OSBPL3: variants seen among roughly 807,000 people sequenced by gnomAD.
The protein encoded by OSBPL3 is oxysterol binding protein like 3.
Under a neutral mutation model 120.1 loss-of-function variants are expected in OSBPL3, and 65 were observed. The ratio of observed to expected loss-of-function variants is 0.54; its 90% CI spans 0.44 to 0.67. OSBPL3 has a LOEUF of 0.67. Among genes scored for constraint, OSBPL3 ranks in the 30% least tolerant of loss-of-function variants. The pLI, the probability that OSBPL3 is intolerant of heterozygous loss-of-function variation, is 0.00. For missense variants in OSBPL3, 1,004 were observed against 1,082.1 expected, an observed-to-expected ratio of 0.93 and a Z score of 1.01; for synonymous variants, 416 against 402.6, an observed-to-expected ratio of 1.03 and a Z score of -0.40.
At position 24,830,711 on chromosome 7, in the gene OSBPL3, A is replaced by G. The variant is rs777379878; in HGVS notation, c.1884+57T>C. On this transcript the variant is annotated intron_variant, in intron 16 of 22. Coordinates refer to ENST00000313367, the MANE Select transcript of OSBPL3 (RefSeq NM_015550.4). This position sits in a 1 kb window ranked among gnomAD's most constrained non-coding sequence, Gnocchi z 4.4. The stretch of plus-strand genomic sequence containing the variant: ...TGGAAGATAAATATTTCAGAAGCAC[A>G]TTTAATGGGAGACATAAGCAACCCC... 5.9e-6 allele frequency: 9 copies of G among 1,514,898 alleles called. No individual in the cohort carries two copies. In the Admixed American group the frequency reaches 1.9e-4, roughly 32 times the overall value. 93.8% of individuals were successfully genotyped at this position (1,514,898 alleles called of 1,614,324 possible).
rs529060475 is a variant in OSBPL3 at position 24,820,199 on chromosome 7, A to C, written c.1924T>G (p.Ser642Ala). 3 of 1,612,488 alleles carry C rather than the reference A, an allele frequency of 1.9e-6. No individual in the cohort carries two copies. In the Admixed American group the frequency reaches 5.0e-5, roughly 27 times the overall value. Residue 642 changes from serine (S) to alanine (A), a missense_variant, in exon 17 of 23, where the codon TCT becomes GCT. Ser to Ala is a moderately conservative substitution (Grantham distance 99, BLOSUM62 1). This residue lies in a region of OSBPL3 where 473 missense variants were observed against 568.0 expected (regional missense o/e 0.83). Coordinates refer to ENST00000313367, the MANE Select transcript of OSBPL3 (RefSeq NM_015550.4). The surrounding 1 kb of genome is among the most constrained non-coding windows in gnomAD (Gnocchi z 4.6). ...HPPISACHAESRNFVFWQDVR... is the reference protein window; with the variant it reads ...HPPISACHAEARNFVFWQDVR... ...CCTTGCCAGAAAACAAAATTTCTAG[A>C]CTCAGCATGACACGCAGAGATAGGC...
Position 24,916,924 on chromosome 7 carries a change from C to CCCCA in OSBPL3, c.-149-24304_-149-24303insTGGG, listed in dbSNP as rs1554404744. On this transcript the variant is annotated intron_variant, in intron 1 of 22. Transcript: ENST00000313367. This position sits in a 1 kb window ranked among gnomAD's most constrained non-coding sequence, Gnocchi z 4.9. Reference sequence around the variant, plus strand: ...TAAGACGTCTTCCATTTCCACCCCCCCCAACCTTTTTAGAAAATTAAATAA... The same window carrying CCCCA: ...TAAGACGTCTTCCATTTCCACCCCCCCCCACCAACCTTTTTAGAAAATTAAATAA... Among the ~76,000 whole-genome samples, 1 of 151,612 alleles carries CCCCA rather than the reference C, an allele frequency of 6.6e-6. No homozygotes were observed. The highest frequency in any genetic ancestry group is 1.5e-5 in the Non-Finnish European group (1 of 67,910).
intron 1 of OSBPL3, among the ~76,000 whole-genome samples, chr7:24,979,344 C>T (rs1817942570): frequency 6.6e-6 from 1 of 151,896 alleles, no homozygotes; most frequent in African/African-American, 2.4e-5. Context: ...TAAATTCAGA[C>T]AAGAAAGGAA....
At position 24,881,916 on chromosome 7, in the gene OSBPL3, C is replaced by T. The variant is rs951449557; in HGVS notation, c.97-9847G>A. ...AATCTCTCTCTCCACCATCACATCA[C>T]CTTTTCCTCTATGTCTGTCTTCTCC... On this transcript the variant is annotated intron_variant, in intron 2 of 22. Transcript: ENST00000313367. This position sits in a 1 kb window ranked among gnomAD's most constrained non-coding sequence, Gnocchi z 4.3. 2.6e-5 allele frequency among the ~76,000 whole-genome samples: 4 copies of T among 152,120 alleles called. No individual in the cohort carries two copies. Among genetic ancestry groups the T allele is most frequent in the Non-Finnish European group, 5.9e-5 (4 of 68,016 alleles).
At chr7:24,905,046 G>A (rs1193169166) in intron 1 of OSBPL3, among the ~76,000 whole-genome samples, 1 of 151,682 alleles carries the variant, frequency 6.6e-6, no homozygotes, top group Non-Finnish European at 1.5e-5. Context: ...AATGCCTGGA[G>A]GACTGGTATC....
rs1437422445 is a variant in OSBPL3, at chr7:24,855,110, G to C, written c.1028-2476C>G. Among the ~76,000 whole-genome samples the C allele has an allele frequency of 6.6e-6, 1 of 152,202 alleles. No individual in the cohort carries two copies. The highest frequency in any genetic ancestry group is 1.5e-5 in the Non-Finnish European group (1 of 68,032). ...GAATCTATGGAGCTGTAGGAGAACA[G>C]CCTTGGGAGGAGAGCAGCAAGCCAC... is the stretch of plus-strand genomic sequence containing the variant. On this transcript the variant is annotated intron_variant, in intron 10 of 22. Coordinates refer to ENST00000313367, the MANE Select transcript of OSBPL3 (RefSeq NM_015550.4). This position sits in a 1 kb window ranked among gnomAD's most constrained non-coding sequence, Gnocchi z 4.3.
intron 16 of OSBPL3, among the ~76,000 whole-genome samples, chr7:24,828,606 G>GAAAAAAAAA (rs1190652256): frequency 0.023 from 745 of 32,482 alleles, 83 homozygotes; most frequent in Non-Finnish European, 0.033. Context: ...GACTCTGTCT[G>GAAAAAAAAA]AAAAAAAAAA....
At chr7:24,934,592 T>G (rs1264740067) in intron 1 of OSBPL3, among the ~76,000 whole-genome samples, 1 of 152,150 alleles carries the variant, frequency 6.6e-6, no homozygotes, top group African/African-American at 2.4e-5. Flanking sequence ...AAAATCGGAT[T>G]AGAAATCAGG....
At chr7:24,825,706 G>C (rs1439888207) in intron 16 of OSBPL3, among the ~76,000 whole-genome samples, 1 of 152,200 alleles carries the variant, frequency 6.6e-6, no homozygotes, top group African/African-American at 2.4e-5. Flanking sequence ...ATGCAGAGGT[G>C]ACATGAGTGT....
rs1198252746 is a variant in OSBPL3 at position 24,964,536 on chromosome 7, G to A, written c.-150+15350C>T. 6.6e-6 allele frequency among the ~76,000 whole-genome samples: 1 copy of A among 152,048 alleles called. No homozygotes were observed. The highest frequency in any genetic ancestry group is 1.5e-5 in the Non-Finnish European group (1 of 68,024). On this transcript the variant is annotated intron_variant, in intron 1 of 22. Transcript: ENST00000313367. This position sits in a 1 kb window ranked among gnomAD's most constrained non-coding sequence, Gnocchi z 4.2. ...TTTACCACTACTCCTCAAAGCTCTCGAGGTCATCAAACACAAGGAAAGCCT... is the reference window on the plus strand; with the variant it reads ...TTTACCACTACTCCTCAAAGCTCTCAAGGTCATCAAACACAAGGAAAGCCT...
chr7:24,930,071 T>C lies in OSBPL3; in HGVS notation c.-149-37450A>G, dbSNP rs556540119. On this transcript the variant is annotated intron_variant, in intron 1 of 22. Coordinates refer to ENST00000313367, the MANE Select transcript of OSBPL3 (RefSeq NM_015550.4). The surrounding 1 kb of genome is among the most constrained non-coding windows in gnomAD (Gnocchi z 4.4). The stretch of plus-strand genomic sequence containing the variant: ...GATAAAGGAAGGAAAATATCATACA[T>C]TCTTTATGAGAAAACTTTAGGAGTT... Among the ~76,000 whole-genome samples the C allele has an allele frequency of 6.6e-6, 1 of 152,316 alleles. No homozygotes were observed. Among genetic ancestry groups the C allele is most frequent in the South Asian group, 2.1e-4 (1 of 4,822 alleles).
intron 1 of OSBPL3, among the ~76,000 whole-genome samples, chr7:24,960,870 A>T (rs1289922764): frequency 6.6e-6 from 1 of 152,194 alleles, no homozygotes; most frequent in Non-Finnish European, 1.5e-5. Context: ...AATAAGAAAA[A>T]AGATAGGATG....
At chr7:24,941,618 C>G (rs1056339218) in intron 1 of OSBPL3, among the ~76,000 whole-genome samples, 1 of 152,186 alleles carries the variant, frequency 6.6e-6, no homozygotes. Context: ...CTTATAGCAC[C>G]TGCATCCCGT....
chr7:24,869,844 G>A (rs959694550), intron 5 of OSBPL3, among the ~76,000 whole-genome samples: 8 of 152,142 alleles, frequency 5.3e-5, no homozygotes, highest in Non-Finnish European at 8.8e-5. Context: ...TTAAGACAAG[G>A]AGCTCATGAT....
chr7:24,836,240 T>C (rs1796983252), intron 14 of OSBPL3, among the ~76,000 whole-genome samples: 1 of 152,224 alleles, frequency 6.6e-6, no homozygotes, highest in Non-Finnish European at 1.5e-5. Context: ...TCCCCATTTA[T>C]CGGCAGCAGA....
At position 24,899,645 on chromosome 7, in the gene OSBPL3, G is replaced by A. The variant is rs768970633; in HGVS notation, c.-149-7024C>T. On this transcript the variant is annotated intron_variant, in intron 1 of 22. Transcript: ENST00000313367. This position sits in a 1 kb window ranked among gnomAD's most constrained non-coding sequence, Gnocchi z 4.0. ...AAATTATACTTGGAGATTTAGTAAC[G>A]AGAAGAGCACCAAGGGCATGGAGGT... Among the ~76,000 whole-genome samples the A allele has an allele frequency of 3.9e-5, 6 of 152,038 alleles. No individual in the cohort carries two copies. Among genetic ancestry groups the A allele is most frequent in the Non-Finnish European group, 8.8e-5 (6 of 68,004 alleles).
intron 7 of OSBPL3, among the ~76,000 whole-genome samples, chr7:24,865,029 C>G (rs1019463170): frequency 3.2e-4 from 48 of 152,178 alleles, no homozygotes; most frequent in Non-Finnish European, 6.3e-4. Context: ...GATTCTCAAT[C>G]TTTCTTGGAT....
intron 12 of OSBPL3, among the ~76,000 whole-genome samples, 189 bp downstream of exon 12, chr7:24,848,880 T>A (rs901125023): frequency 1.3e-5 from 2 of 152,118 alleles, no homozygotes; most frequent in African/African-American, 4.8e-5. Context: ...ATTAGCAGCA[T>A]ACGCTCAAGA....
rs192490878 is a variant in OSBPL3 at position 24,927,984 on chromosome 7, T to C, written c.-149-35363A>G. ...GGATCATGGAGATAAATTTCCCCTT[T>C]GGTGCTGTTCTCATGATAGTGAGTA... is the stretch of plus-strand genomic sequence containing the variant. On this transcript the variant is annotated intron_variant, in intron 1 of 22. Transcript: ENST00000313367. Among the ~76,000 whole-genome samples, 472 of 152,232 alleles carry C rather than the reference T, an allele frequency of 3.1e-3. 1 individual carries two copies. The Middle Eastern group carries it at 0.037, about 12-fold the overall frequency.
Sources: gnomAD v4.1 joint callset for allele counts (sites outside exome capture counted in the v4.1 genomes callset) on GRCh38, gnomAD v4.1.1 for gene constraint, gnomAD v4.1.1 regional missense constraint, Gnocchi (gnomAD v3.1) non-coding constraint, MANE v1.5 for transcripts, NCBI Gene and HGNC (gene_info 2026-07-23, HGNC 2026-07-21) for gene names.